TSPAN14: variants seen among roughly 807,000 people sequenced by gnomAD.
TSPAN14 encodes tetraspanin-14.
Under a neutral mutation model 36.6 loss-of-function variants are expected in TSPAN14, and 16 were observed. That is an observed-to-expected ratio of 0.44 (90% CI 0.30 to 0.66). TSPAN14 has a LOEUF of 0.66. Among genes scored for constraint, TSPAN14 ranks in the 30% least tolerant of loss-of-function variants. The probability of loss-of-function intolerance (pLI) is 0.12; values close to 1 mark genes in which losing one functional copy is unlikely to be tolerated. For synonymous variants in TSPAN14, 139 were observed against 143.8 expected, an observed-to-expected ratio of 0.97 and a Z score of 0.24; for missense variants, 231 against 355.1, an observed-to-expected ratio of 0.65 and a Z score of 2.81.
At chr10:80,464,779 G>T (rs1439193491) in intron 1 of TSPAN14, among the ~76,000 whole-genome samples, 1 of 152,176 alleles carries the variant, frequency 6.6e-6, no homozygotes, top group African/African-American at 2.4e-5. Context: ...TGGAGCTGAG[G>T]AGGCGGGACC....
chr10:80,481,648 G>A (rs952445774), intron 1 of TSPAN14, among the ~76,000 whole-genome samples: 2 of 152,146 alleles, frequency 1.3e-5, no homozygotes, highest in African/African-American at 4.8e-5. Context: ...TGCATAATGC[G>A]TAAAACTGAA....
chr10:80,474,198 G>C (rs1846722569), intron 1 of TSPAN14, among the ~76,000 whole-genome samples: 1 of 152,148 alleles, frequency 6.6e-6, no homozygotes, highest in Non-Finnish European at 1.5e-5. Flanking sequence ...TCAGAGGCCA[G>C]TTCTGGGAGC....
chr10:80,498,266 G>A (rs539713609), intron 2 of TSPAN14, among the ~76,000 whole-genome samples: 18 of 152,264 alleles, frequency 1.2e-4, no homozygotes, highest in Non-Finnish European at 2.2e-4. Flanking sequence ...TGGGGTTTCC[G>A]TCTGGTGTAA....
intron 1 of TSPAN14, among the ~76,000 whole-genome samples, chr10:80,474,265 A>C (rs1327228875): frequency 1.3e-5 from 2 of 151,826 alleles, no homozygotes; most frequent in Non-Finnish European, 2.9e-5. Context: ...GGAAGGAGAG[A>C]TAGTAAGGAT....
At chr10:80,472,984 A>T (rs1301143280) in intron 1 of TSPAN14, among the ~76,000 whole-genome samples, 1 of 152,190 alleles carries the variant, frequency 6.6e-6, no homozygotes, top group African/African-American at 2.4e-5. Context: ...CGTCAGTCAC[A>T]GTAGGCCCAT....
At chr10:80,489,165 A>C in intron 1 of TSPAN14, 52 bp from the exon 2 acceptor site, 1 of 1,254,246 alleles carries the variant, frequency 8.0e-7, no homozygotes, top group South Asian at 1.3e-5. Context: ...GGTTTGGGGG[A>C]AAGGTTTTAA....
intron 1 of TSPAN14, among the ~76,000 whole-genome samples, chr10:80,463,315 A>G (rs1020065075): frequency 1.3e-5 from 2 of 152,310 alleles, no homozygotes; most frequent in Middle Eastern, 6.8e-3. Flanking sequence ...TAACATTTTT[A>G]TTTACAAAAA....
intron 2 of TSPAN14, among the ~76,000 whole-genome samples, chr10:80,502,253 G>A (rs897170251): frequency 6.6e-6 from 1 of 152,222 alleles, no homozygotes; most frequent in African/African-American, 2.4e-5. Flanking sequence ...AGGAGATGCC[G>A]TGGGAGATGT....
exon 4 of TSPAN14, chr10:80,507,259 G>A (rs534779591): frequency 1.4e-5 from 23 of 1,614,088 alleles, no homozygotes; most frequent in Middle Eastern, 1.6e-4. Flanking sequence ...AAAGTGACCC[G>A]GATGCATGGA....
chr10:80,471,083 C>G (rs552604144), intron 1 of TSPAN14, among the ~76,000 whole-genome samples: 16 of 152,278 alleles, frequency 1.1e-4, no homozygotes, highest in African/African-American at 3.9e-4. Flanking sequence ...CCACCTCCTT[C>G]TCTCTGCCCT....
chr10:80,481,301 T>G (rs1181523448), intron 1 of TSPAN14, among the ~76,000 whole-genome samples: 1 of 152,098 alleles, frequency 6.6e-6, no homozygotes, highest in African/African-American at 2.4e-5. Flanking sequence ...GATTTCTTTT[T>G]GAAGAAGAAA....
intron 1 of TSPAN14, among the ~76,000 whole-genome samples, chr10:80,484,843 C>T (rs1319965443): frequency 6.6e-6 from 1 of 151,980 alleles, no homozygotes; most frequent in Non-Finnish European, 1.5e-5. Context: ...ACTTGAAAAC[C>T]CTGTTCTCTG....
At chr10:80,475,193 C>G (rs894341600) in intron 1 of TSPAN14, among the ~76,000 whole-genome samples, 1 of 152,126 alleles carries the variant, frequency 6.6e-6, no homozygotes, top group Non-Finnish European at 1.5e-5. Flanking sequence ...ACAGCTGGTT[C>G]TTAAGGGAGT....
At chr10:80,499,381 G>A (rs1269731344) in intron 2 of TSPAN14, among the ~76,000 whole-genome samples, 1 of 152,212 alleles carries the variant, frequency 6.6e-6, no homozygotes, top group East Asian at 1.9e-4. Flanking sequence ...AATCTTCACA[G>A]TGACCCACAA....
rs559086900 is a variant in TSPAN14 at position 80,495,691 on chromosome 10, A to G, written c.81+6377A>G. 1.3e-4 allele frequency among the ~76,000 whole-genome samples: 20 copies of G among 152,364 alleles called. 1 individual carries two copies. The South Asian group carries it at 2.7e-3, about 20-fold the overall frequency. ...CCTCCTTGGCTGGTAAATAATCAGC[A>G]TGGCATAGTCTACAGGAGTGATTTT... On this transcript the variant is annotated intron_variant, in intron 2 of 8. Coordinates refer to ENST00000429989, the Ensembl canonical transcript of TSPAN14.
chr10:80,486,694 G>A (rs1290515596), intron 1 of TSPAN14, among the ~76,000 whole-genome samples: 2 of 152,140 alleles, frequency 1.3e-5, no homozygotes, highest in East Asian at 1.9e-4. Context: ...GGAACCACGA[G>A]GAAGAGAGGA....
At chr10:80,518,200 C>T (rs1447608900) in exon 9 of TSPAN14, 1 of 580,096 alleles carries the variant, frequency 1.7e-6, no homozygotes, top group South Asian at 2.0e-5. Context: ...CTGGAGTCTA[C>T]CCAGAGACAG....
At chr10:80,498,522 T>G (rs1027344505) in intron 2 of TSPAN14, among the ~76,000 whole-genome samples, 1 of 152,168 alleles carries the variant, frequency 6.6e-6, no homozygotes. Context: ...TTCACTGTTG[T>G]CTCCAGAAGC....
At chr10:80,454,471 C>T (rs1329991632) in intron 1 of TSPAN14, 100 bp downstream of exon 1, 2 of 152,226 alleles carry the variant, frequency 1.3e-5, no homozygotes, top group South Asian at 2.1e-4. Flanking sequence ...AGGGCTGCTC[C>T]TTAGGTCCCT....
Sources: allele counts gnomAD v4.1 joint callset (sites outside exome capture counted in the v4.1 genomes callset), GRCh38; gene constraint gnomAD v4.1.1; transcripts MANE v1.5; gene names NCBI Gene and HGNC (gene_info 2026-07-23, HGNC 2026-07-21).